SNAP47: variants seen among roughly 807,000 people sequenced by gnomAD.
The protein encoded by SNAP47 is synaptosome associated protein 47, also known as synaptosomal-associated protein 47.
A neutral mutation model predicts 31.4 loss-of-function variants in SNAP47; 20 were observed. The observed-to-expected ratio is 0.64, with a 90% CI of 0.45 to 0.93. The LOEUF is 0.93. Among genes scored for constraint, SNAP47 ranks in the 40% least tolerant of loss-of-function variants. SNAP47 has a pLI of 0.00. For missense variants in SNAP47, 492 were observed against 528.5 expected (o/e 0.93, Z 0.68); for synonymous variants, 194 against 213.4 (o/e 0.91, Z 0.79).
At chr1:227,771,424 C>A (rs1343532641) in intron 4 of SNAP47, among the ~76,000 whole-genome samples, 1 of 152,144 alleles carries the variant, frequency 6.6e-6, no homozygotes, top group Non-Finnish European at 1.5e-5. Context: ...GGACAGGGTG[C>A]CCTGCAGCCC....
At chr1:227,734,480 C>T (rs745864404), upstream of SNAP47, 17 of 544,848 alleles carry the variant, frequency 3.1e-5, no homozygotes, top group Non-Finnish European at 5.0e-5. Flanking sequence ...TCCCAAAGAA[C>T]AACACTTGCA....
chr1:227,776,423 T>C, intron 4 of SNAP47: 2 of 986,680 alleles, frequency 2.0e-6, no homozygotes, highest in Non-Finnish European at 2.4e-6. Context: ...TGGATTTCTT[T>C]ACTCATGTAG....
Position 227,759,061 on chromosome 1 carries a change from G to A in SNAP47, c.564G>A (p.Pro188=), listed in dbSNP as rs368562302. The change falls in exon 3 of 5, where the codon CCG becomes CCA. Residue 188 remains proline, a synonymous_variant. Transcript: ENST00000617596. ...PFSSKLWKTP[P]ETKPREDVSM... is the part of the protein sequence containing the mutation. ...GCTCCAAGCTTTGGAAGACACCACC[G>A]GAAACAAAGCCCAGGGAAGATGTCT... 9.9e-6 allele frequency: 16 copies of A among 1,613,860 alleles called. No individual in the cohort carries two copies. The highest frequency in any genetic ancestry group is 9.3e-5 in the African/African-American group (7 of 74,912).
At chr1:227,739,365 C>T (rs145826092) in intron 1 of SNAP47, among the ~76,000 whole-genome samples, 108 of 152,274 alleles carry the variant, frequency 7.1e-4, no homozygotes, top group African/African-American at 2.4e-3. Flanking sequence ...AAATGCAGTA[C>T]GCTTTGTGCC....
At chr1:227,734,295 C>T (rs1475449978), upstream of SNAP47, 2 of 417,982 alleles carry the variant, frequency 4.8e-6, no homozygotes, top group African/African-American at 4.4e-5. Flanking sequence ...GTGGATGCAT[C>T]ACCTGAGCTC....
In SNAP47 at chr1:227,741,215, T is replaced by TG. The variant is rs765256205; in HGVS notation, c.-46+5721dup. Among the ~76,000 whole-genome samples the TG allele has an allele frequency of 1.1e-4, 17 of 152,094 alleles. No individual in the cohort carries two copies. The highest frequency in any genetic ancestry group is 6.2e-4 in the South Asian group (3 of 4,824). ...AGTGGGTGTTTGGGAGGCAACGGCT[T>TG]GGGGGTGATGTTGAGTTTCTGGCCT... On this transcript the variant is annotated intron_variant, in intron 1 of 4. Coordinates refer to ENST00000617596, the MANE Select transcript of SNAP47 (RefSeq NM_053052.4). The surrounding 1 kb of genome is among the most constrained non-coding windows in gnomAD (Gnocchi z 4.2).
At chr1:227,734,352 T>TAAAAA (rs56684758), upstream of SNAP47, 6 of 77,608 alleles carry the variant, frequency 7.7e-5, no homozygotes, top group South Asian at 9.9e-4. Flanking sequence ...CTAGTCTCTT[T>TAAAAA]AAAAAAAAAA....
At position 227,735,438 on chromosome 1, in the gene SNAP47, G is replaced by A. The variant is rs778735295; in HGVS notation, c.-107G>A. On this transcript the variant is annotated 5_prime_UTR_variant, in exon 1 of 5. Transcript: ENST00000617596. Reference sequence around the variant, plus strand: ...CGCGCGGCTCGCCGCGGTCTTCACTGCGCAGGCGCCGAGCGGCCGAGGCGC... The same window carrying A: ...CGCGCGGCTCGCCGCGGTCTTCACTACGCAGGCGCCGAGCGGCCGAGGCGC... 40 of 1,474,490 alleles carry A rather than the reference G, an allele frequency of 2.7e-5. No individual in the cohort carries two copies. In the Admixed American group the frequency reaches 9.4e-4, roughly 35 times the overall value. The allele number at this position is 1,474,490 out of a possible 1,614,324, so 91.3% of individuals were successfully genotyped here.
intron 2 of SNAP47, among the ~76,000 whole-genome samples, chr1:227,754,619 A>G (rs1662581480): frequency 6.6e-6 from 1 of 152,080 alleles, no homozygotes; most frequent in Non-Finnish European, 1.5e-5. Flanking sequence ...CAGTGGCTGT[A>G]TAGAGATTTT....
intron 4 of SNAP47, chr1:227,776,873 C>G: frequency 1.0e-6 from 1 of 985,430 alleles, no homozygotes; most frequent in East Asian, 1.1e-4. Context: ...TCTTTTAAGG[C>G]CTTCAACGTA....
intron 2 of SNAP47, among the ~76,000 whole-genome samples, chr1:227,748,628 C>T (rs972345569): frequency 2.6e-5 from 4 of 152,222 alleles, no homozygotes; most frequent in Non-Finnish European, 4.4e-5. Context: ...TCTGAGGTCA[C>T]AGAGGATGGA....
intron 1 of SNAP47, among the ~76,000 whole-genome samples, chr1:227,729,289 T>A (rs555176892): frequency 6.6e-6 from 1 of 152,054 alleles, no homozygotes; most frequent in East Asian, 1.9e-4. Flanking sequence ...GCTGCTGACT[T>A]TGGGGGTACA....
upstream of SNAP47, chr1:227,734,744 A>C (rs767920889): frequency 3.1e-6 from 5 of 1,614,004 alleles, no homozygotes; most frequent in Middle Eastern, 1.7e-4. Context: ...GTAGTCTCTG[A>C]GAGTCATGTG....
intron 4 of SNAP47, among the ~76,000 whole-genome samples, chr1:227,774,080 G>T (rs1664009231): frequency 6.6e-6 from 1 of 152,166 alleles, no homozygotes; most frequent in Non-Finnish European, 1.5e-5. Flanking sequence ...GCTTGTTGAG[G>T]GCTGCCTCCC....
At position 227,759,077 on chromosome 1, in the gene SNAP47, G is replaced by A; in HGVS notation, c.580G>A (p.Glu194Lys). The A allele has an allele frequency of 6.2e-7, 1 of 1,614,202 alleles. No individual in the cohort carries two copies. The highest frequency in any genetic ancestry group is 1.6e-4 in the Middle Eastern group (1 of 6,062). Reference protein sequence around the residue: ...WKTPPETKPREDVSMTSCEPF... With the variant: ...WKTPPETKPRKDVSMTSCEPF... ...GACACCACCGGAAACAAAGCCCAGG[G>A]AAGATGTCTCCATGACCAGTTGTGA... is the stretch of plus-strand genomic sequence containing the variant. The change falls in exon 3 of 5, where the codon GAA (glutamate) becomes AAA (lysine). Residue 194 changes from glutamate to lysine, a missense_variant. By Grantham distance (56) the Glu-to-Lys change is moderately conservative (BLOSUM62 1). Coordinates refer to ENST00000617596, the MANE Select transcript of SNAP47 (RefSeq NM_053052.4).
intron 2 of SNAP47, among the ~76,000 whole-genome samples, chr1:227,748,982 T>A (rs1203512680): frequency 1.3e-5 from 2 of 152,202 alleles, no homozygotes; most frequent in Admixed American, 1.3e-4. Flanking sequence ...TGGCTTTCTT[T>A]TAGTGTTGCT....
chr1:227,740,506 C>T (rs1200303238), intron 1 of SNAP47, among the ~76,000 whole-genome samples: 1 of 152,094 alleles, frequency 6.6e-6, no homozygotes, highest in Non-Finnish European at 1.5e-5. Context: ...TGGAAAGTAA[C>T]TAAAAGTAGA....
intron 3 of SNAP47, among the ~76,000 whole-genome samples, chr1:227,761,865 G>A (rs1663085399): frequency 6.6e-6 from 1 of 152,200 alleles, no homozygotes; most frequent in Non-Finnish European, 1.5e-5. Context: ...GAGCACTCCT[G>A]TGTTCCGCAG....
rs549259810 is a variant in SNAP47, at chr1:227,771,436, A to G, written c.1113+4353A>G. ...TGGGGACAGGGTGCCCTGCAGCCCA[A>G]CATGCACACAGCAGGAGGCCATGTC... On this transcript the variant is annotated intron_variant, in intron 4 of 4. Transcript: ENST00000617596. Among the ~76,000 whole-genome samples the G allele has an allele frequency of 3.3e-5, 5 of 152,172 alleles. No homozygotes were observed. The South Asian group carries it at 6.2e-4, about 19-fold the overall frequency.
Sources: allele counts gnomAD v4.1 joint callset (sites outside exome capture counted in the v4.1 genomes callset), GRCh38; gene constraint gnomAD v4.1.1; non-coding constraint Gnocchi (gnomAD v3.1); transcripts MANE v1.5; gene names NCBI Gene and HGNC (gene_info 2026-07-23, HGNC 2026-07-21).